Variants in FHIP1A observed in about 807,000 individuals in gnomAD.
FHIP1A encodes FHF complex subunit HOOK interacting protein 1A.
FHIP1A carries 61 observed loss-of-function variants against 88.6 expected under a neutral mutation model. The observed-to-expected ratio is 0.69, with a 90% CI of 0.56 to 0.85. The LOEUF (loss-of-function observed/expected upper bound fraction) is 0.85. Among genes scored for constraint, FHIP1A ranks in the 40% least tolerant of loss-of-function variants. The pLI, the probability that FHIP1A is intolerant of heterozygous loss-of-function variation, is 0.00. For missense variants in FHIP1A, 1,154 were observed against 1,273.5 expected, an observed-to-expected ratio of 0.91 and a Z score of 1.43; for synonymous variants, 478 against 496.0, an observed-to-expected ratio of 0.96 and a Z score of 0.48.
chr4:151,409,800 G>T (rs911832285), intron 1 of FHIP1A, among the ~76,000 whole-genome samples: 17 of 152,196 alleles, frequency 1.1e-4, no homozygotes, highest in African/African-American at 3.9e-4. Context: ...CCCATTCCTT[G>T]GTCCCAGGGT....
At chr4:151,634,269 A>G (rs1451007667) in intron 8 of FHIP1A, among the ~76,000 whole-genome samples, 1 of 151,834 alleles carries the variant, frequency 6.6e-6, no homozygotes, top group Non-Finnish European at 1.5e-5. Flanking sequence ...TGAAAGAAGA[A>G]CAAATAGAAA....
intron 3 of FHIP1A, among the ~76,000 whole-genome samples, chr4:151,539,723 C>T (rs1732207922): frequency 6.6e-6 from 1 of 152,128 alleles, no homozygotes. Context: ...CCCATGTGTG[C>T]TCAAGGTTCC....
chr4:151,568,912 A>G (rs1251557563), intron 4 of FHIP1A, among the ~76,000 whole-genome samples: 1 of 152,204 alleles, frequency 6.6e-6, no homozygotes, highest in Non-Finnish European at 1.5e-5. Context: ...CAAAAAAATC[A>G]GAGCCAGGCA....
chr4:151,586,652 T>C lies in FHIP1A; in HGVS notation c.744T>C (p.Thr248=). The part of the protein sequence containing the change: ...ENTYFCPVLA[T]GLSGLYSSLP... ...ATTTCTGAACACAGGTACTTGCAAC[T>C]GGGCTCAGTGGTCTCTACTCTTCCC... Residue 248 remains threonine, a synonymous_variant, in exon 6 of 14, where the codon ACT becomes ACC. Coordinates refer to ENST00000435205, the MANE Select transcript of FHIP1A (RefSeq NM_001109977.3). 1 of 1,544,166 alleles carries C rather than the reference T, an allele frequency of 6.5e-7. No individual in the cohort carries two copies. The highest frequency in any genetic ancestry group is 8.8e-7 in the Non-Finnish European group (1 of 1,141,420).
intron 2 of FHIP1A, among the ~76,000 whole-genome samples, chr4:151,456,526 A>G (rs1283594669): frequency 2.0e-5 from 3 of 152,112 alleles, no homozygotes; most frequent in Non-Finnish European, 4.4e-5. Flanking sequence ...TCCTTATGGG[A>G]CTTCTTAAGG....
intron 5 of FHIP1A, among the ~76,000 whole-genome samples, chr4:151,582,060 T>C (rs1578780307): frequency 6.6e-6 from 1 of 152,178 alleles, no homozygotes; most frequent in African/African-American, 2.4e-5. Context: ...GCCACTGTTA[T>C]ATATTGGCAA....
intron 8 of FHIP1A, among the ~76,000 whole-genome samples, chr4:151,633,906 C>T (rs1387108019): frequency 6.6e-6 from 1 of 151,702 alleles, no homozygotes; most frequent in Non-Finnish European, 1.5e-5. Context: ...GGCAAGGATG[C>T]CCACTTAGAG....
At chr4:151,516,911 A>G (rs1409031892) in intron 3 of FHIP1A, among the ~76,000 whole-genome samples, 8 of 152,094 alleles carry the variant, frequency 5.3e-5, no homozygotes. Flanking sequence ...TCAGGGATCT[A>G]GAACTAGAAA....
At chr4:151,496,691 C>T (rs1654220684) in intron 3 of FHIP1A, among the ~76,000 whole-genome samples, 1 of 150,540 alleles carries the variant, frequency 6.6e-6, no homozygotes, top group Non-Finnish European at 1.5e-5. Context: ...TAGCTGGGAC[C>T]ACAGGAGCAT....
chr4:151,465,465 C>G (rs1457733002), intron 2 of FHIP1A, among the ~76,000 whole-genome samples: 1 of 152,156 alleles, frequency 6.6e-6, no homozygotes, highest in Non-Finnish European at 1.5e-5. Context: ...TGATACCAAT[C>G]CTTCTGAAAC....
In FHIP1A at chr4:151,667,544, T is replaced by C. The variant is rs1337435694; in HGVS notation, c.*4790T>C. Among the ~76,000 whole-genome samples, 1 of 152,196 alleles carries C rather than the reference T, an allele frequency of 6.6e-6. No individual in the cohort carries two copies. The highest frequency in any genetic ancestry group is 1.5e-5 in the Non-Finnish European group (1 of 68,042). On this transcript the variant is annotated 3_prime_UTR_variant, in exon 14 of 14. Coordinates refer to ENST00000435205, the MANE Select transcript of FHIP1A (RefSeq NM_001109977.3). ...TTACTTGTTTTGGGACTACAGATTA[T>C]CCTGGCAGCTCAATAACTGGATAAA...
chr4:151,450,082 C>T (rs956995910), intron 1 of FHIP1A, among the ~76,000 whole-genome samples: 8 of 151,984 alleles, frequency 5.3e-5, no homozygotes, highest in Non-Finnish European at 8.8e-5. Flanking sequence ...GTCATGAGCA[C>T]ACATTTCATA....
At chr4:151,580,950 C>T (rs544491819) in intron 5 of FHIP1A, among the ~76,000 whole-genome samples, 8 of 152,268 alleles carry the variant, frequency 5.3e-5, no homozygotes, top group Middle Eastern at 3.4e-3. Context: ...CTCCGCCTCC[C>T]GGGTTCAAGT....
intron 9 of FHIP1A, among the ~76,000 whole-genome samples, chr4:151,640,806 G>A (rs17027739): frequency 0.034 from 5,198 of 152,240 alleles, 298 homozygotes; most frequent in African/African-American, 0.12. Flanking sequence ...TTTAGAAGGT[G>A]AGTGCTGATC....
chr4:151,486,474 G>A (rs1020842981), intron 3 of FHIP1A, among the ~76,000 whole-genome samples: 1 of 151,984 alleles, frequency 6.6e-6, no homozygotes, highest in Non-Finnish European at 1.5e-5. Flanking sequence ...GCATTTTAAC[G>A]AGCTCTCCAA....
At chr4:151,448,383 G>A (rs1728680876) in intron 1 of FHIP1A, among the ~76,000 whole-genome samples, 1 of 152,112 alleles carries the variant, frequency 6.6e-6, no homozygotes, top group Non-Finnish European at 1.5e-5. Context: ...TCACATTGTT[G>A]TACAACCATT....
intron 5 of FHIP1A, among the ~76,000 whole-genome samples, chr4:151,583,455 A>G (rs901774357): frequency 1.3e-5 from 2 of 152,350 alleles, no homozygotes; most frequent in African/African-American, 2.4e-5. Flanking sequence ...TTCTGCTCAC[A>G]TCTCAGCCAT....
intron 3 of FHIP1A, among the ~76,000 whole-genome samples, chr4:151,560,215 C>T (rs545195635): frequency 6.6e-6 from 1 of 152,076 alleles, no homozygotes. Flanking sequence ...TTGGTTTTTA[C>T]GTTTCAAAAG....
chr4:151,435,656 A>G (rs576928867), intron 1 of FHIP1A, among the ~76,000 whole-genome samples: 1 of 152,006 alleles, frequency 6.6e-6, no homozygotes, highest in Non-Finnish European at 1.5e-5. Context: ...GTGGTGGCAC[A>G]TGCCTATAAT....
Sources: allele counts gnomAD v4.1 joint callset (sites outside exome capture counted in the v4.1 genomes callset), GRCh38; gene constraint gnomAD v4.1.1; transcripts MANE v1.5; gene names NCBI Gene and HGNC (gene_info 2026-07-23, HGNC 2026-07-21).